CADM2: variants seen among roughly 807,000 people sequenced by gnomAD.
The protein encoded by CADM2 is immunoglobulin superfamily member 4D.
Under a neutral mutation model 49.8 loss-of-function variants are expected in CADM2, and 12 were observed. The ratio of observed to expected loss-of-function variants is 0.24; its 90% CI spans 0.15 to 0.39. CADM2 has a LOEUF of 0.39. Ranked by LOEUF, CADM2 falls within the 10% of genes least tolerant of loss-of-function variation. CADM2 has a pLI of 1.00. For synonymous variants in CADM2, 214 were observed against 175.4 expected (o/e 1.22, Z -1.74); for missense variants, 378 against 492.3 (o/e 0.77, Z 2.20).
intron 2 of CADM2, among the ~76,000 whole-genome samples, chr3:85,739,832 A>G (rs1464264604): frequency 6.6e-6 from 1 of 152,172 alleles, no homozygotes; most frequent in Non-Finnish European, 1.5e-5. Context: ...AATGTCAAGA[A>G]ATCAAAAATT....
chr3:85,084,494 T>C (rs983132010), intron 1 of CADM2, among the ~76,000 whole-genome samples: 2 of 152,088 alleles, frequency 1.3e-5, no homozygotes, highest in African/African-American at 2.4e-5. Context: ...CAATATAGAG[T>C]AGCCACTAGC....
intron 1 of CADM2, among the ~76,000 whole-genome samples, chr3:85,398,837 A>C (rs1031189631): frequency 6.6e-6 from 1 of 152,038 alleles, no homozygotes; most frequent in Non-Finnish European, 1.5e-5. Flanking sequence ...TCCTTTGCCC[A>C]GTTGTTGAGG....
At chr3:85,989,196 T>G (rs1728471610) in intron 8 of CADM2, among the ~76,000 whole-genome samples, 1 of 152,174 alleles carries the variant, frequency 6.6e-6, no homozygotes. Flanking sequence ...AAGGAGACTT[T>G]TTAACAGAAG....
chr3:84,968,485 A>G (rs1480132778), intron 1 of CADM2, among the ~76,000 whole-genome samples: 1 of 152,192 alleles, frequency 6.6e-6, no homozygotes, highest in South Asian at 2.1e-4. Context: ...TGTAGGTGGT[A>G]TTCAGAGAAG....
chr3:85,944,257 C>T (rs1179094227), intron 7 of CADM2, among the ~76,000 whole-genome samples: 1 of 152,044 alleles, frequency 6.6e-6, no homozygotes, highest in Non-Finnish European at 1.5e-5. Flanking sequence ...TACAGGAGCA[C>T]CCAGATTCAT....
chr3:85,225,025 C>T (rs2042125239), intron 1 of CADM2, among the ~76,000 whole-genome samples: 1 of 152,058 alleles, frequency 6.6e-6, no homozygotes, highest in African/African-American at 2.4e-5. Context: ...AGTTTGAGGT[C>T]AGGTAGTGTG....
rs189599944 is a variant in CADM2, at chr3:85,401,801, G to C, written c.62-324721G>C. ...CGCCAAAAGTAGCTGAGTTAAGCTG[G>C]GATTTGGGGCTTAGTGTCAGGAGCA... On this transcript the variant is annotated intron_variant, in intron 1 of 9. Coordinates refer to ENST00000383699, the MANE Select transcript of CADM2 (RefSeq NM_001167675.2). 1.1e-3 allele frequency among the ~76,000 whole-genome samples: 166 copies of C among 152,158 alleles called. 1 individual carries two copies. Among genetic ancestry groups the C allele is most frequent in the African/African-American group, 3.9e-3 (162 of 41,518 alleles).
In CADM2 at chr3:85,771,115, A is replaced by G. The variant is rs1356042089; in HGVS notation, c.89-30932A>G. Reference sequence around the variant, plus strand: ...TAGAAAACAATAACTCTTCCAACAAATTTATGTGAGCCCTGAAAGTAAGCA... The same window carrying G: ...TAGAAAACAATAACTCTTCCAACAAGTTTATGTGAGCCCTGAAAGTAAGCA... On this transcript the variant is annotated intron_variant, in intron 2 of 9. Coordinates refer to ENST00000383699, the MANE Select transcript of CADM2 (RefSeq NM_001167675.2). Among the ~76,000 whole-genome samples, 5 of 152,194 alleles carry G rather than the reference A, an allele frequency of 3.3e-5. No homozygotes were observed. The East Asian group carries it at 9.7e-4, about 29-fold the overall frequency.
rs1261375630 is a variant in CADM2 at position 86,072,129 on chromosome 3, T to TA, written c.*5350dup. 8.6e-5 allele frequency: 13 copies of TA among 152,036 alleles called. No individual in the cohort carries two copies. The highest frequency in any genetic ancestry group is 2.4e-4 in the African/African-American group (10 of 41,540). 9.4% of individuals were successfully genotyped at this position (152,036 alleles called of 1,614,324 possible). On this transcript the variant is annotated 3_prime_UTR_variant, in exon 10 of 10. Coordinates refer to ENST00000383699, the MANE Select transcript of CADM2 (RefSeq NM_001167675.2). ...TTTCAATGATGTAATTTAATTATCC[T>TA]AAAAGAAATGACAGATTCTTCTGTA...
At chr3:85,386,257 A>C (rs938503247) in intron 1 of CADM2, among the ~76,000 whole-genome samples, 9 of 152,174 alleles carry the variant, frequency 5.9e-5, no homozygotes, top group Admixed American at 4.6e-4. Flanking sequence ...ATATGCACTT[A>C]GTTGATAAAC....
intron 3 of CADM2, among the ~76,000 whole-genome samples, chr3:85,848,977 A>G (rs55776605): frequency 0.35 from 52,597 of 152,068 alleles, 9,688 homozygotes; most frequent in East Asian, 0.56. Context: ...GATTCAAGAC[A>G]TGAATCCGGG....
At chr3:85,269,191 T>G (rs1418385900) in intron 1 of CADM2, among the ~76,000 whole-genome samples, 2 of 151,346 alleles carry the variant, frequency 1.3e-5, no homozygotes, top group African/African-American at 4.8e-5. Context: ...AAGCCCAGGA[T>G]TCTAATAATA....
chr3:85,307,142 TATTA>T (rs1258910293), intron 1 of CADM2, among the ~76,000 whole-genome samples: 3 of 151,662 alleles, frequency 2.0e-5, no homozygotes, highest in African/African-American at 7.2e-5. Flanking sequence ...CAAATGTATA[TATTA>T]ATTTACGTAT....
intron 1 of CADM2, among the ~76,000 whole-genome samples, chr3:85,208,015 G>A (rs918137109): frequency 2.6e-5 from 4 of 152,056 alleles, no homozygotes; most frequent in Admixed American, 1.3e-4. Context: ...TTTAATCTTT[G>A]CCTCCCTGAC....
intron 7 of CADM2, among the ~76,000 whole-genome samples, chr3:85,951,284 A>G (rs754750006): frequency 4.6e-5 from 7 of 151,128 alleles, no homozygotes; most frequent in Non-Finnish European, 8.9e-5. Context: ...ACACAAATGC[A>G]CAAAGACACA....
At chr3:84,988,722 T>C (rs2032723814) in intron 1 of CADM2, among the ~76,000 whole-genome samples, 1 of 152,180 alleles carries the variant, frequency 6.6e-6, no homozygotes, top group South Asian at 2.1e-4. Flanking sequence ...TTCCTATTAT[T>C]CAGCATGTTA....
At chr3:85,484,673 C>T (rs892221926) in intron 1 of CADM2, among the ~76,000 whole-genome samples, 6 of 151,808 alleles carry the variant, frequency 4.0e-5, no homozygotes, top group East Asian at 1.9e-4. Flanking sequence ...GCTTTCTTAC[C>T]GTCACAGACC....
intron 1 of CADM2, among the ~76,000 whole-genome samples, chr3:85,432,438 A>G (rs2036725001): frequency 1.3e-5 from 2 of 152,076 alleles, no homozygotes; most frequent in African/African-American, 2.4e-5. Flanking sequence ...TACATAAACA[A>G]AAGTTTTAAG....
intron 1 of CADM2, among the ~76,000 whole-genome samples, chr3:85,716,538 G>A (rs868192038): frequency 2.0e-4 from 31 of 152,110 alleles, no homozygotes; most frequent in African/African-American, 7.5e-4. Context: ...GTTGTCTTTT[G>A]TGGCAATTGT....
Sources: allele counts gnomAD v4.1 joint callset (sites outside exome capture counted in the v4.1 genomes callset), GRCh38; gene constraint gnomAD v4.1.1; transcripts MANE v1.5; gene names NCBI Gene and HGNC (gene_info 2026-07-23, HGNC 2026-07-21).